MATR3: variants seen among roughly 807,000 people sequenced by gnomAD.
MATR3 encodes matrin 3.
Under a neutral mutation model 85.5 loss-of-function variants are expected in MATR3, and 4 were observed. The ratio of observed to expected loss-of-function variants is 0.05; its 90% CI spans 0.02 to 0.11. MATR3 has a LOEUF of 0.11. Among genes scored for constraint, MATR3 ranks in the 10% least tolerant of loss-of-function variants. MATR3 has a pLI of 1.00. For synonymous variants in MATR3, 336 were observed against 343.1 expected (o/e 0.98, Z 0.23); for missense variants, 685 against 1,016.1 (o/e 0.67, Z 4.43).
chr5:139,291,938 CTTTTTTTTTTTTT>C (rs10572568), upstream of MATR3: 4 of 79,796 alleles, frequency 5.0e-5, no homozygotes, highest in Non-Finnish European at 9.6e-5. Flanking sequence ...ATTACATAAC[CTTTTTTTTTTTTT>C]TTTTTTTTTT....
chr5:139,282,178 C>G (rs1005822715), intron 3 of MATR3, among the ~76,000 whole-genome samples: 8 of 152,182 alleles, frequency 5.3e-5, no homozygotes, highest in African/African-American at 1.7e-4. Flanking sequence ...AATGTTGTTG[C>G]TTAATTAGGG....
chr5:139,277,889 T>TA (rs1467235995), intron 2 of MATR3, among the ~76,000 whole-genome samples: 1 of 151,596 alleles, frequency 6.6e-6, no homozygotes, highest in Admixed American at 6.6e-5. Context: ...GCACCTCACA[T>TA]ACTTATATTT....
chr5:139,280,651 A>G (rs1460946289), intron 3 of MATR3: 3 of 152,232 alleles, frequency 2.0e-5, no homozygotes, highest in Non-Finnish European at 4.4e-5. Context: ...ACTCAGCCAC[A>G]ATCTCAGTCT....
chr5:139,320,796 G>A (rs576441058), intron 9 of MATR3, among the ~76,000 whole-genome samples: 1 of 120,706 alleles, frequency 8.3e-6, no homozygotes, highest in Non-Finnish European at 1.6e-5. Flanking sequence ...CACCCCGGCT[G>A]TAGTGCAGTG....
In MATR3 at chr5:139,307,835, A is replaced by G. The variant is rs1436744169; in HGVS notation, c.420A>G (p.Gln140=). The change falls in exon 2 of 15, where the codon CAA becomes CAG. Residue 140 remains glutamine (Q), a synonymous_variant. Coordinates refer to ENST00000394805, the MANE Select transcript of MATR3 (RefSeq NM_018834.6). The surrounding 1 kb of genome is among the most constrained non-coding windows in gnomAD (Gnocchi z 4.4). The part of the protein sequence containing the change: ...EDKITPENLP[Q]ILLQLKRRRT... Reference sequence around the variant, plus strand: ...AGATTACTCCTGAGAATTTGCCCCAAATCCTTCTACAGCTTAAAAGGAGGA... The same window carrying G: ...AGATTACTCCTGAGAATTTGCCCCAGATCCTTCTACAGCTTAAAAGGAGGA... The G allele has an allele frequency of 6.2e-7, 1 of 1,614,022 alleles. No homozygotes were observed. Among genetic ancestry groups the G allele is most frequent in the African/African-American group, 1.3e-5 (1 of 74,916 alleles).
At chr5:139,315,354 G>C (rs1029966379) in intron 3 of MATR3, 4 of 262,644 alleles carry the variant, frequency 1.5e-5, no homozygotes, top group African/African-American at 9.2e-5. Flanking sequence ...TATTAATATT[G>C]GAGAAGGAAA....
At chr5:139,301,464 C>T (rs1045535643) in intron 1 of MATR3, among the ~76,000 whole-genome samples, 5 of 152,074 alleles carry the variant, frequency 3.3e-5, no homozygotes, top group African/African-American at 1.2e-4. Flanking sequence ...GGACTACAGG[C>T]GTGTGCCACC....
chr5:139,298,927 G>A (rs1186172762), intron 1 of MATR3, among the ~76,000 whole-genome samples: 2 of 152,190 alleles, frequency 1.3e-5, no homozygotes, highest in African/African-American at 4.8e-5. Flanking sequence ...GAAAATGTAG[G>A]TTTAACTCAC....
intron 3 of MATR3, among the ~76,000 whole-genome samples, chr5:139,285,659 G>A (rs1753679136): frequency 6.6e-6 from 1 of 152,066 alleles, no homozygotes; most frequent in Non-Finnish European, 1.5e-5. Flanking sequence ...GTCAATAAGA[G>A]TGAAACTCCG....
intron 7 of MATR3, among the ~76,000 whole-genome samples, chr5:139,318,339 G>C (rs1000272868): frequency 2.0e-5 from 3 of 152,142 alleles, no homozygotes; most frequent in African/African-American, 7.2e-5. Context: ...TCACCATGTT[G>C]GCCAGGCTGG....
intron 2 of MATR3, among the ~76,000 whole-genome samples, chr5:139,277,509 A>C (rs1476728135): frequency 6.6e-6 from 1 of 152,162 alleles, no homozygotes; most frequent in East Asian, 1.9e-4. Flanking sequence ...TCAACTGTGA[A>C]TAGCCTTTTA....
intron 2 of MATR3, 117 bp downstream of exon 2, chr5:139,308,444 TTTTGAGAACACTTACTTTA>T: frequency 8.2e-7 from 1 of 1,217,104 alleles, no homozygotes; most frequent in Non-Finnish European, 1.2e-6. Context: ...ATTTTTAAAC[TTTTGAGAACACTTACTTTA>T]TTTGGAAGGT....
chr5:139,320,641 T>C (rs974041879), intron 9 of MATR3, among the ~76,000 whole-genome samples: 1 of 152,128 alleles, frequency 6.6e-6, no homozygotes, highest in African/African-American at 2.4e-5. Context: ...CTTTTTTGTT[T>C]TTCTTTTTTT....
chr5:139,323,546 T>C (rs1432970640), intron 12 of MATR3, among the ~76,000 whole-genome samples: 3 of 152,242 alleles, frequency 2.0e-5, no homozygotes, highest in Non-Finnish European at 4.4e-5. Flanking sequence ...TTGAGCTGAC[T>C]GCCTAGCTTA....
At chr5:139,315,874 G>C (rs899470992) in intron 4 of MATR3, 136 bp downstream of exon 4, 6 of 842,908 alleles carry the variant, frequency 7.1e-6, no homozygotes, top group Admixed American at 6.7e-5. Flanking sequence ...AATTCACTTT[G>C]GTTAACAATT....
At chr5:139,295,317 C>T (rs1182349268) in intron 1 of MATR3, among the ~76,000 whole-genome samples, 1 of 152,192 alleles carries the variant, frequency 6.6e-6, no homozygotes, top group African/African-American at 2.4e-5. Context: ...AATGTTTTTG[C>T]AAACTCGAAA....
chr5:139,325,591 A>T lies in MATR3; in HGVS notation c.2300A>T (p.Asp767Val). ...DTSENADGQS[D>V]ENKDDYTIPD... Reference sequence around the variant, plus strand: ...AGTGAAAACGCAGATGGTCAAAGTGATGAGAACAAGGACGACTATACAATC... The same window carrying T: ...AGTGAAAACGCAGATGGTCAAAGTGTTGAGAACAAGGACGACTATACAATC... The change falls in exon 13 of 15, where the codon GAT becomes GTT. Residue 767 changes from aspartate (D) to valine (V), a missense_variant. Asp to Val is a radical substitution (Grantham distance 152). Transcript: ENST00000394805. 1 of 1,614,232 alleles carries T rather than the reference A, an allele frequency of 6.2e-7. No individual in the cohort carries two copies. The highest frequency in any genetic ancestry group is 8.5e-7 in the Non-Finnish European group (1 of 1,180,044).
At position 139,325,254 on chromosome 5, in the gene MATR3, T is replaced by A. The variant is rs1205305565; in HGVS notation, c.2149-186T>A. The A allele has an allele frequency of 1.9e-6, 3 of 1,548,958 alleles. No homozygotes were observed. The Admixed American group carries it at 5.9e-5, about 30-fold the overall frequency. On this transcript the variant is annotated intron_variant, in intron 12 of 14. Transcript: ENST00000394805. ...CAAGTAAAGCAGACAGAAGGGATGCTGCAGGATAATTGTTGCAGAGTAAAT... is the reference window on the plus strand; with the variant it reads ...CAAGTAAAGCAGACAGAAGGGATGCAGCAGGATAATTGTTGCAGAGTAAAT...
intron 1 of MATR3, chr5:139,276,115 T>C (rs1453129317): frequency 1.8e-5 from 8 of 456,648 alleles, no homozygotes; most frequent in Non-Finnish European, 2.6e-5. Flanking sequence ...AGTTGTTTCA[T>C]TGCAGAGAGG....
Sources: allele counts gnomAD v4.1 joint callset (sites outside exome capture counted in the v4.1 genomes callset), GRCh38; gene constraint gnomAD v4.1.1; non-coding constraint Gnocchi (gnomAD v3.1); transcripts MANE v1.5; gene names NCBI Gene and HGNC (gene_info 2026-07-23, HGNC 2026-07-21).